CEP152: variants seen among roughly 807,000 people sequenced by gnomAD.
CEP152 encodes centrosomal protein 152, also known as centrosomal protein of 152 kDa.
Under a neutral mutation model 188.9 loss-of-function variants are expected in CEP152, and 132 were observed. The observed-to-expected ratio is 0.70, with a 90% CI of 0.61 to 0.81. The LOEUF (loss-of-function observed/expected upper bound fraction) is 0.81, where lower values mean the gene tolerates loss of function less well. Ranked by LOEUF, CEP152 falls within the 30% of genes least tolerant of loss-of-function variation. CEP152 has a pLI of 0.00. For missense variants in CEP152, 1,914 were observed against 1,969.8 expected (o/e 0.97, Z 0.54); for synonymous variants, 649 against 666.6 (o/e 0.97, Z 0.41).
chr15:48,757,547 T>C (rs1350391762), intron 19 of CEP152, among the ~76,000 whole-genome samples: 3 of 152,170 alleles, frequency 2.0e-5, no homozygotes, highest in Non-Finnish European at 4.4e-5. Flanking sequence ...TTGAGTCCCT[T>C]TCACTTTTAA....
intron 12 of CEP152, among the ~76,000 whole-genome samples, chr15:48,775,425 C>T (rs1895828256): frequency 6.6e-6 from 1 of 152,098 alleles, no homozygotes; most frequent in Non-Finnish European, 1.5e-5. Context: ...CTATACATTA[C>T]TGACAGAAAC....
intron 25 of CEP152, 103 bp from the exon 26 acceptor site, chr15:48,741,807 G>A (rs1462723812): frequency 1.2e-6 from 2 of 1,608,940 alleles, no homozygotes; most frequent in Non-Finnish European, 1.7e-6. Flanking sequence ...AACATTTAGG[G>A]TAGCACAGCC....
Position 48,788,785 on chromosome 15 carries a change from T to C in CEP152, c.1173+16A>G, listed in dbSNP as rs1896828180. On this transcript the variant is annotated intron_variant, in intron 9 of 26. Coordinates refer to ENST00000380950, the MANE Select transcript of CEP152 (RefSeq NM_001194998.2). ...TTACTTGTTGATAACAGTTGCTCAT[T>C]TGAAATCATCCCAACCTGTTCTTTA... The C allele has an allele frequency of 1.2e-6, 2 of 1,611,236 alleles. No homozygotes were observed. The highest frequency in any genetic ancestry group is 2.2e-5 in the East Asian group (1 of 44,884).
chr15:48,784,267 G>C (rs575306371), intron 9 of CEP152, 147 bp from the exon 10 acceptor site: 1 of 733,024 alleles, frequency 1.4e-6, no homozygotes, highest in Non-Finnish European at 2.2e-6. Flanking sequence ...AAAGTGCACA[G>C]AACTGGGAGT....
At chr15:48,749,389 GA>G (rs1428096401) in intron 21 of CEP152, among the ~76,000 whole-genome samples, 3 of 151,952 alleles carry the variant, frequency 2.0e-5, no homozygotes, top group African/African-American at 7.2e-5. Flanking sequence ...CCAAATATAA[GA>G]GAAGGTTTTC....
chr15:48,744,430 TAAAGTTAACTGAGAAGTGC>T (rs1486811309), intron 23 of CEP152, 87 bp from the exon 24 acceptor site: 7 of 1,557,718 alleles, frequency 4.5e-6, no homozygotes, highest in Admixed American at 1.9e-5. Context: ...TATACTCTAA[TAAAGTTAACTGAGAAGTGC>T]TAAAAATCTC....
At chr15:48,804,607 G>A (rs566098044) in intron 2 of CEP152, among the ~76,000 whole-genome samples, 1 of 152,218 alleles carries the variant, frequency 6.6e-6, no homozygotes, top group South Asian at 2.1e-4. Context: ...TATTACTATT[G>A]CCACCATTTA....
intron 8 of CEP152, among the ~76,000 whole-genome samples, chr15:48,789,718 T>C (rs1896888864): frequency 6.6e-6 from 1 of 152,208 alleles, no homozygotes. Context: ...AGCCATTCAT[T>C]GCTGGCTTTG....
At chr15:48,760,704 A>AC (rs1320390709) in intron 18 of CEP152, among the ~76,000 whole-genome samples, 1 of 152,138 alleles carries the variant, frequency 6.6e-6, no homozygotes, top group Non-Finnish European at 1.5e-5. Context: ...TTAGAGCCCT[A>AC]CACCTGCGAA....
chr15:48,783,095 T>G (rs1896369609), intron 10 of CEP152: 1 of 152,212 alleles, frequency 6.6e-6, no homozygotes, highest in Non-Finnish European at 1.5e-5. Flanking sequence ...AAAGTGTGAC[T>G]TTCATATATC....
At chr15:48,772,169 G>T (rs1179682844) in intron 13 of CEP152, among the ~76,000 whole-genome samples, 1 of 152,292 alleles carries the variant, frequency 6.6e-6, no homozygotes, top group Non-Finnish European at 1.5e-5. Context: ...CCAACACCTT[G>T]AGAGATTGAG....
intron 1 of CEP152, among the ~76,000 whole-genome samples, chr15:48,806,527 C>G (rs2140936676): frequency 6.6e-6 from 1 of 152,342 alleles, no homozygotes; most frequent in East Asian, 1.9e-4. Flanking sequence ...TCCATTCAGT[C>G]CACTGTTGTT....
At chr15:48,744,830 A>G in intron 23 of CEP152, 66 bp downstream of exon 23, 10 of 1,449,886 alleles carry the variant, frequency 6.9e-6, no homozygotes, top group Non-Finnish European at 8.4e-6. Context: ...TTGATACTTA[A>G]AAAAATTTAA....
At chr15:48,763,832 T>C (rs1315820051) in intron 17 of CEP152, among the ~76,000 whole-genome samples, 2 of 152,238 alleles carry the variant, frequency 1.3e-5, no homozygotes, top group African/African-American at 2.4e-5. Context: ...AGGTAACAAA[T>C]TATGGGCTTC....
chr15:48,730,147 T>G (rs1892373735), intron 2 of CEP152, among the ~76,000 whole-genome samples: 1 of 152,202 alleles, frequency 6.6e-6, no homozygotes, highest in Non-Finnish European at 1.5e-5. Flanking sequence ...TACCAGGGGC[T>G]GCTCCCATTC....
At chr15:48,759,423 T>G (rs920771730) in intron 19 of CEP152, among the ~76,000 whole-genome samples, 3 of 152,174 alleles carry the variant, frequency 2.0e-5, no homozygotes, top group African/African-American at 7.2e-5. Context: ...TTTATTAAGC[T>G]TTTATTTATA....
downstream of CEP152, among the ~76,000 whole-genome samples, chr15:48,732,954 G>A (rs1892474508): frequency 6.6e-6 from 1 of 151,962 alleles, no homozygotes; most frequent in Admixed American, 6.6e-5. Flanking sequence ...AGCCAGGCAT[G>A]GTGGCATACA....
At chr15:48,765,439 T>A (rs143862309) in intron 17 of CEP152, among the ~76,000 whole-genome samples, 17 of 152,094 alleles carry the variant, frequency 1.1e-4, no homozygotes, top group African/African-American at 4.1e-4. Flanking sequence ...TTTTGAAGGA[T>A]CAAATAGCAG....
chr15:48,805,581 G>C lies in CEP152; in HGVS notation c.69C>G (p.Asp23Glu), dbSNP rs1219723429. 1.3e-6 allele frequency: 2 copies of C among 1,535,080 alleles called. No homozygotes were observed. Among genetic ancestry groups the C allele is most frequent in the South Asian group, 2.2e-5 (2 of 88,996 alleles). Residue 23 changes from aspartate to glutamate, a missense_variant, in exon 2 of 27, where the codon GAC (aspartate) becomes GAG (glutamate). Physicochemically the swap from Asp to Glu is conservative, Grantham distance 45. Transcript: ENST00000380950. ...QNEDEEYDEE[D>E]YEREKELQQL... ...AACTTACCTCTTTCTCTCTTTCATA[G>C]TCCTCTTCGTCATACTCTTCATCTT...
Sources: gnomAD v4.1 joint callset for allele counts (sites outside exome capture counted in the v4.1 genomes callset) on GRCh38, gnomAD v4.1.1 for gene constraint, MANE v1.5 for transcripts, NCBI Gene and HGNC (gene_info 2026-07-23, HGNC 2026-07-21) for gene names.